Variants in SYT16 observed in about 807,000 individuals in gnomAD.
SYT16 encodes synaptotagmin-16.
SYT16 carries 42 observed loss-of-function variants against 61.4 expected under a neutral mutation model. The observed-to-expected ratio is 0.68, with a 90% CI of 0.53 to 0.89. SYT16 has a LOEUF of 0.89. SYT16 is among the 40% of genes least tolerant of loss of function. The pLI is 0.00. For missense variants in SYT16, 804 were observed against 807.3 expected, an observed-to-expected ratio of 1.00 and a Z score of 0.05; for synonymous variants, 314 against 302.3, an observed-to-expected ratio of 1.04 and a Z score of -0.40.
chr14:62,023,242 G>C (rs1278368209), intron 3 of SYT16, among the ~76,000 whole-genome samples: 1 of 152,092 alleles, frequency 6.6e-6, no homozygotes, highest in Non-Finnish European at 1.5e-5. Flanking sequence ...GTTTGGGTAG[G>C]TTTATTGCAG....
At chr14:61,920,081 T>G (rs2049272991) in intron 1 of SYT16, among the ~76,000 whole-genome samples, 1 of 152,184 alleles carries the variant, frequency 6.6e-6, no homozygotes, top group Non-Finnish European at 1.5e-5. Context: ...CACATTGCTG[T>G]TTCACACGCC....
chr14:62,041,962 A>G (rs889775138), intron 3 of SYT16, among the ~76,000 whole-genome samples: 8 of 151,976 alleles, frequency 5.3e-5, no homozygotes, highest in African/African-American at 1.7e-4. Flanking sequence ...TTTAATTTTC[A>G]TCTCTATAAG....
At chr14:62,039,788 C>T (rs2054643854) in intron 3 of SYT16, among the ~76,000 whole-genome samples, 1 of 149,944 alleles carries the variant, frequency 6.7e-6, no homozygotes, top group Admixed American at 6.7e-5. Flanking sequence ...TATGAGAATA[C>T]ATCTGGGCTC....
intron 1 of SYT16, among the ~76,000 whole-genome samples, chr14:61,850,498 A>G (rs1259584443): frequency 6.6e-6 from 1 of 152,030 alleles, no homozygotes; most frequent in Non-Finnish European, 1.5e-5. Flanking sequence ...AGCTGTTTGC[A>G]TTTCTTCTTT....
At chr14:61,849,021 T>C (rs1319324220) in intron 1 of SYT16, among the ~76,000 whole-genome samples, 1 of 152,156 alleles carries the variant, frequency 6.6e-6, no homozygotes, top group African/African-American at 2.4e-5. Context: ...TTTTAGTCAA[T>C]AGGTGATGAA....
intron 1 of SYT16, among the ~76,000 whole-genome samples, chr14:61,914,741 T>C (rs573542355): frequency 4.5e-4 from 68 of 152,352 alleles, no homozygotes; most frequent in African/African-American, 1.4e-3. Context: ...TACCCAGTTA[T>C]AAGCCACCAT....
chr14:61,935,735 G>C (rs953884965), intron 1 of SYT16, among the ~76,000 whole-genome samples: 2 of 152,188 alleles, frequency 1.3e-5, no homozygotes, highest in South Asian at 4.1e-4. Flanking sequence ...GAGTTAGAAG[G>C]ATGTTTCTGG....
intron 1 of SYT16, among the ~76,000 whole-genome samples, chr14:61,861,107 G>C (rs932907398): frequency 6.6e-6 from 1 of 152,158 alleles, no homozygotes; most frequent in Non-Finnish European, 1.5e-5. Context: ...CAGAGAGTGG[G>C]ATTTCTGATA....
Position 61,836,674 on chromosome 14 carries a change from TCAA to T in SYT16, c.-325+23866_-325+23868del, listed in dbSNP as rs532482784. Among the ~76,000 whole-genome samples, 805 of 152,282 alleles carry T rather than the reference TCAA, an allele frequency of 5.3e-3. 5 individuals carry two copies. The highest frequency in any genetic ancestry group is 0.018 in the African/African-American group (766 of 41,544). ...TTTTATTGCAGACATTACAACCTAC[TCAA>T]CTACCTTAAGAGAAAAGAGTCTCAA... On this transcript the variant is annotated intron_variant, in intron 1 of 7. Coordinates refer to ENST00000683842, the MANE Select transcript of SYT16 (RefSeq NM_001367656.1).
At chr14:61,864,737 C>T in intron 1 of SYT16, 1 of 996,492 alleles carries the variant, frequency 1.0e-6, no homozygotes, top group Non-Finnish European at 1.5e-6. Context: ...AACGTGTCCA[C>T]TCGCTACCTG....
chr14:61,824,434 C>G (rs1266890832), intron 1 of SYT16, among the ~76,000 whole-genome samples: 2 of 152,034 alleles, frequency 1.3e-5, no homozygotes, highest in Non-Finnish European at 2.9e-5. Context: ...CTCACTGCAA[C>G]CTCCACCTCC....
intron 3 of SYT16, among the ~76,000 whole-genome samples, chr14:62,024,122 A>G (rs1015797013): frequency 4.6e-5 from 7 of 152,140 alleles, no homozygotes; most frequent in African/African-American, 1.7e-4. Flanking sequence ...TATGGTCATA[A>G]TAATATAAAT....
chr14:61,840,043 G>A (rs2046258063), intron 1 of SYT16, among the ~76,000 whole-genome samples: 1 of 152,070 alleles, frequency 6.6e-6, no homozygotes, highest in South Asian at 2.1e-4. Context: ...GGAATGTGTG[G>A]ATATAAGACA....
chr14:62,100,518 C>A lies in SYT16; in HGVS notation c.1749C>A (p.Leu583=). The A allele has an allele frequency of 6.2e-7, 1 of 1,613,836 alleles. No individual in the cohort carries two copies. Among genetic ancestry groups the A allele is most frequent in the Non-Finnish European group, 8.5e-7 (1 of 1,179,838 alleles). ...AGACCTTTGTTTTCCAGGTGGCCCT[C>A]TTTCAGCTGTCTGATGTCACGTTGA... ...YKETFVFQVA[L]FQLSDVTLMI... Residue 583 remains leucine (L), a synonymous_variant, in exon 8 of 8, where the codon CTC becomes CTA. Transcript: ENST00000683842.
chr14:61,978,866 C>G (rs1464876405), intron 2 of SYT16, among the ~76,000 whole-genome samples: 2 of 152,212 alleles, frequency 1.3e-5, no homozygotes, highest in African/African-American at 2.4e-5. Context: ...CAGTTGACTT[C>G]TGCACAGGGA....
At chr14:61,968,177 C>G (rs1051189102) in intron 1 of SYT16, among the ~76,000 whole-genome samples, 2 of 152,094 alleles carry the variant, frequency 1.3e-5, no homozygotes, top group African/African-American at 2.4e-5. Context: ...ATGAGAATCG[C>G]TTAAACTCAG....
At chr14:61,978,764 G>C (rs904291138) in intron 2 of SYT16, among the ~76,000 whole-genome samples, 1 of 152,118 alleles carries the variant, frequency 6.6e-6, no homozygotes, top group African/African-American at 2.4e-5. Flanking sequence ...TCTCCACCTG[G>C]CTCCCTCCCT....
intron 1 of SYT16, among the ~76,000 whole-genome samples, chr14:61,941,496 C>T (rs554417287): frequency 5.3e-5 from 8 of 152,286 alleles, no homozygotes; most frequent in African/African-American, 1.9e-4. Context: ...TCTTGCAATC[C>T]GTAGTGACTT....
intron 3 of SYT16, among the ~76,000 whole-genome samples, chr14:62,015,977 C>G (rs889094563): frequency 6.6e-6 from 1 of 152,170 alleles, no homozygotes; most frequent in African/African-American, 2.4e-5. Flanking sequence ...GAGTCCTTCC[C>G]CCAGGATAGT....
Sources: gnomAD v4.1 joint callset for allele counts (sites outside exome capture counted in the v4.1 genomes callset) on GRCh38, gnomAD v4.1.1 for gene constraint, MANE v1.5 for transcripts, NCBI Gene and HGNC (gene_info 2026-07-23, HGNC 2026-07-21) for gene names.